GRIK3: variants seen among roughly 807,000 people sequenced by gnomAD.
GRIK3 encodes the protein glutamate receptor ionotropic, kainate 3.
GRIK3 carries 29 observed loss-of-function variants against 102.5 expected under a neutral mutation model. That is an observed-to-expected ratio of 0.28 (90% CI 0.21 to 0.39). The LOEUF is 0.39. GRIK3 is among the 10% of genes least tolerant of loss of function. The probability of loss-of-function intolerance (pLI) is 1.00; values close to 1 mark genes in which losing one functional copy is unlikely to be tolerated. For missense variants in GRIK3, 908 were observed against 1,252.4 expected (o/e 0.73, Z 4.15); for synonymous variants, 511 against 504.9 (o/e 1.01, Z -0.16).
intron 13 of GRIK3, among the ~76,000 whole-genome samples, chr1:36,814,324 A>G (rs1450802762): frequency 6.6e-6 from 1 of 152,136 alleles, no homozygotes; most frequent in Non-Finnish European, 1.5e-5. Context: ...TTCATGCGTT[A>G]TGCATGAGAG....
At chr1:36,929,660 G>C (rs1557429019) in intron 1 of GRIK3, among the ~76,000 whole-genome samples, 1 of 152,180 alleles carries the variant, frequency 6.6e-6, no homozygotes, top group Non-Finnish European at 1.5e-5. Context: ...AGCAAATAAA[G>C]TCTGGGAAGC....
intron 10 of GRIK3, among the ~76,000 whole-genome samples, chr1:36,832,913 C>T (rs1317512629): frequency 6.6e-6 from 1 of 152,218 alleles, no homozygotes; most frequent in African/African-American, 2.4e-5. Flanking sequence ...CCCCCCTGCC[C>T]CCAAGGCTAG....
At chr1:36,902,439 C>T (rs1305981543) in intron 1 of GRIK3, among the ~76,000 whole-genome samples, 3 of 152,220 alleles carry the variant, frequency 2.0e-5, no homozygotes, top group South Asian at 2.1e-4. Context: ...TAAATAAAGT[C>T]GACCGATCTT....
rs548931384 is a variant in GRIK3, at chr1:36,839,335, C to T, written c.1530+2401G>A. On this transcript the variant is annotated intron_variant, in intron 10 of 15. Transcript: ENST00000373091. Reference sequence around the variant, plus strand: ...TAATAATTATAGTTATTACTAATAACGGTGACAACACCACTCCCTTCCGTT... The same window carrying T: ...TAATAATTATAGTTATTACTAATAATGGTGACAACACCACTCCCTTCCGTT... Among the ~76,000 whole-genome samples, 5 of 152,150 alleles carry T rather than the reference C, an allele frequency of 3.3e-5. No homozygotes were observed. In the East Asian group the frequency reaches 7.7e-4, roughly 24 times the overall value.
At chr1:37,011,342 T>G (rs1557462721) in intron 1 of GRIK3, among the ~76,000 whole-genome samples, 1 of 152,194 alleles carries the variant, frequency 6.6e-6, no homozygotes, top group Non-Finnish European at 1.5e-5. Context: ...TAGCAGACAC[T>G]GCTCTGAACA....
intron 13 of GRIK3, among the ~76,000 whole-genome samples, chr1:36,814,639 TACAC>T (rs755206891): frequency 2.0e-5 from 3 of 151,130 alleles, no homozygotes; most frequent in Admixed American, 6.6e-5. Flanking sequence ...CAGGCCATTA[TACAC>T]ACACACACTC....
intron 10 of GRIK3, among the ~76,000 whole-genome samples, chr1:36,826,433 C>T (rs1411098383): frequency 2.6e-5 from 4 of 152,064 alleles, no homozygotes; most frequent in Admixed American, 6.5e-5. Flanking sequence ...CTTTGGAGGC[C>T]GAGGCAGGAG....
chr1:36,804,871 G>C lies in GRIK3; in HGVS notation c.2565+116C>G, dbSNP rs1213557324. On this transcript the variant is annotated intron_variant, in intron 15 of 15. Transcript: ENST00000373091. ...GGGCTTGCTGGCCGACTGGATGCAG[G>C]GTGAGCTGTTGTGAGGCTGAGATGA... 25 of 1,314,998 alleles carry C rather than the reference G, an allele frequency of 1.9e-5. No individual in the cohort carries two copies. The Admixed American group carries it at 2.2e-4, about 12-fold the overall frequency. The allele number at this position is 1,314,998 out of a possible 1,614,324, so 81.5% of individuals were successfully genotyped here. A position where few individuals can be genotyped will look rare whatever the true frequency, so the allele number is the denominator to read the frequency against.
chr1:36,837,210 GC>G (rs1257336437), intron 10 of GRIK3, among the ~76,000 whole-genome samples: 1 of 152,038 alleles, frequency 6.6e-6, no homozygotes, highest in Admixed American at 6.5e-5. Context: ...CTAGAGCTCA[GC>G]CTCCAGCCCT....
At chr1:36,870,504 G>C (rs1345647587) in intron 4 of GRIK3, among the ~76,000 whole-genome samples, 5 of 152,332 alleles carry the variant, frequency 3.3e-5, no homozygotes, top group African/African-American at 1.2e-4. Context: ...AGGGCTCTGG[G>C]GAAAATGTCA....
chr1:36,855,386 G>A (rs1640639499), intron 7 of GRIK3, among the ~76,000 whole-genome samples: 1 of 152,232 alleles, frequency 6.6e-6, no homozygotes, highest in African/African-American at 2.4e-5. Flanking sequence ...GTTCCCTGGA[G>A]TTTCATTGAC....
rs1384960310 is a variant in GRIK3 at position 36,944,480 on chromosome 1, G to C, written c.116-53384C>G. ...GAGTTGCAAGATACCAGAGAAGAGG[G>C]GAGGGAAGAAGAAAAGAGGAGGGAG... is the stretch of plus-strand genomic sequence containing the variant. On this transcript the variant is annotated intron_variant, in intron 1 of 15. Transcript: ENST00000373091. Among the ~76,000 whole-genome samples the C allele has an allele frequency of 3.9e-5, 6 of 152,152 alleles. No individual in the cohort carries two copies. In the East Asian group the frequency reaches 1.2e-3, roughly 29 times the overall value.
chr1:36,963,704 T>C (rs189519362), intron 1 of GRIK3, among the ~76,000 whole-genome samples: 152 of 152,062 alleles, frequency 1.0e-3, no homozygotes, highest in Non-Finnish European at 1.9e-3. Context: ...TCTGTGAGAG[T>C]TCCCCACCTC....
chr1:36,935,553 C>A lies in GRIK3; in HGVS notation c.116-44457G>T, dbSNP rs181375729. On this transcript the variant is annotated intron_variant, in intron 1 of 15. Transcript: ENST00000373091. ...CTTCTCCTCCCCTCCCCCATCTCTT[C>A]TCCCCACCCTGCCCCCGCACCCAGC... Among the ~76,000 whole-genome samples the A allele has an allele frequency of 5.6e-3, 850 of 151,198 alleles. 4 individuals are homozygous for A. Among genetic ancestry groups the A allele is most frequent in the African/African-American group, 0.018 (732 of 41,126 alleles).
rs550657148 is a variant in GRIK3, at chr1:36,854,628, G to T, written c.1105-906C>A. On this transcript the variant is annotated intron_variant, in intron 7 of 15. Coordinates refer to ENST00000373091, the MANE Select transcript of GRIK3 (RefSeq NM_000831.4). Reference sequence around the variant, plus strand: ...TGCCCCCCGTGTTTATATATTACTTGTGTGCTGCAACTATGGAGTTGACTA... The same window carrying T: ...TGCCCCCCGTGTTTATATATTACTTTTGTGCTGCAACTATGGAGTTGACTA... Among the ~76,000 whole-genome samples the T allele has an allele frequency of 2.6e-5, 4 of 152,262 alleles. No homozygotes were observed. The East Asian group carries it at 7.7e-4, about 29-fold the overall frequency.
chr1:36,986,807 C>T (rs1268447743), intron 1 of GRIK3, among the ~76,000 whole-genome samples: 1 of 152,216 alleles, frequency 6.6e-6, no homozygotes, highest in African/African-American at 2.4e-5. Flanking sequence ...TGGGGGAGAA[C>T]ACATTCCGAC....
chr1:36,936,954 G>C (rs79549448), intron 1 of GRIK3, among the ~76,000 whole-genome samples: 1 of 152,240 alleles, frequency 6.6e-6, no homozygotes, highest in African/African-American at 2.4e-5. Flanking sequence ...CAACAGGTGC[G>C]GGGGGTAGGA....
chr1:36,853,838 C>T (rs1255952726), intron 7 of GRIK3, 116 bp from the exon 8 acceptor site: 4 of 667,198 alleles, frequency 6.0e-6, no homozygotes, highest in Non-Finnish European at 1.1e-5. Flanking sequence ...CCCCCAAGAC[C>T]ATGATTAATT....
chr1:36,799,055 A>T lies in GRIK3; in HGVS notation c.*2796T>A, dbSNP rs1642402582. The T allele has an allele frequency of 2.0e-5, 3 of 152,232 alleles. No homozygotes were observed. The South Asian group carries it at 6.2e-4, about 32-fold the overall frequency. 9.4% of individuals were successfully genotyped at this position (152,232 alleles called of 1,614,324 possible). A position where few individuals can be genotyped will look rare whatever the true frequency, so the allele number is the denominator to read the frequency against. Reference sequence around the variant, plus strand: ...CGTGCTCTGAAACTATACTGGACAAAGTAAGACGGCGCTTAATGATTGTGT... The same window carrying T: ...CGTGCTCTGAAACTATACTGGACAATGTAAGACGGCGCTTAATGATTGTGT... On this transcript the variant is annotated 3_prime_UTR_variant, in exon 16 of 16. Coordinates refer to ENST00000373091, the MANE Select transcript of GRIK3 (RefSeq NM_000831.4).
Sources: allele counts gnomAD v4.1 joint callset (sites outside exome capture counted in the v4.1 genomes callset), GRCh38; gene constraint gnomAD v4.1.1; transcripts MANE v1.5; gene names NCBI Gene and HGNC (gene_info 2026-07-23, HGNC 2026-07-21).